Variants in BAIAP2L1 observed in about 807,000 individuals in gnomAD.
BAIAP2L1 encodes BAR/IMD domain-containing adapter protein 2-like 1.
Under a neutral mutation model 66.3 loss-of-function variants are expected in BAIAP2L1, and 35 were observed. That is an observed-to-expected ratio of 0.53 (90% CI 0.40 to 0.70). BAIAP2L1 has a LOEUF of 0.70. BAIAP2L1 is among the 30% of genes least tolerant of loss of function. BAIAP2L1 has a pLI of 0.00. For missense variants in BAIAP2L1, 622 were observed against 656.9 expected (o/e 0.95, Z 0.58); for synonymous variants, 269 against 248.7 (o/e 1.08, Z -0.77).
chr7:98,292,868 C>T lies in BAIAP2L1; in HGVS notation c.*653G>A. 6.9e-7 allele frequency: 1 copy of T among 1,447,666 alleles called. No homozygotes were observed. 89.7% of individuals were successfully genotyped at this position (1,447,666 alleles called of 1,614,324 possible). A position where few individuals can be genotyped will look rare whatever the true frequency, so the allele number is the denominator to read the frequency against. ...GACTCCTAACTACCAAGAAAAGGAG[C>T]TCTCGGAGGAGATTTCGTCGAGTGC... On this transcript the variant is annotated 3_prime_UTR_variant, in exon 14 of 14. Coordinates refer to ENST00000005260, the MANE Select transcript of BAIAP2L1 (RefSeq NM_018842.5).
intron 12 of BAIAP2L1, among the ~76,000 whole-genome samples, chr7:98,301,732 G>T (rs995129490): frequency 8.5e-5 from 13 of 152,162 alleles, no homozygotes; most frequent in African/African-American, 2.4e-4. Context: ...TCTTGGGGAA[G>T]TGAGCTTTGG....
chr7:98,379,405 A>G (rs1027464515), intron 1 of BAIAP2L1, among the ~76,000 whole-genome samples: 2 of 152,208 alleles, frequency 1.3e-5, no homozygotes, highest in Admixed American at 6.6e-5. Flanking sequence ...TGGGTCAATC[A>G]GCCTCGAAAA....
chr7:98,298,872 T>C (rs1800299071), intron 12 of BAIAP2L1, among the ~76,000 whole-genome samples: 1 of 151,818 alleles, frequency 6.6e-6, no homozygotes, highest in South Asian at 2.1e-4. Flanking sequence ...AGACAGGTCT[T>C]GCTCTGTCAC....
chr7:98,329,095 G>A (rs952867793), intron 3 of BAIAP2L1, among the ~76,000 whole-genome samples: 3 of 152,288 alleles, frequency 2.0e-5, no homozygotes, highest in East Asian at 3.9e-4. Flanking sequence ...TCTGGTCACC[G>A]TTGATGCAAA....
intron 1 of BAIAP2L1, among the ~76,000 whole-genome samples, chr7:98,393,293 C>T (rs1327178471): frequency 2.0e-5 from 3 of 151,858 alleles, no homozygotes; most frequent in African/African-American, 4.8e-5. Flanking sequence ...CCATCCTCCT[C>T]GGCCTCCCAC....
At chr7:98,307,585 T>C in intron 10 of BAIAP2L1, 104 bp downstream of exon 10, 1 of 1,520,080 alleles carries the variant, frequency 6.6e-7, no homozygotes, top group Non-Finnish European at 8.8e-7. Context: ...AAACTTAACT[T>C]TGGCTAAAAT....
At chr7:98,338,931 A>G (rs6974943) in intron 3 of BAIAP2L1, among the ~76,000 whole-genome samples, 61,409 of 151,786 alleles carry the variant, frequency 0.4, 13,358 homozygotes, top group Middle Eastern at 0.55. Flanking sequence ...AAATTAGCTG[A>G]GTGTGGTAGC....
At chr7:98,376,058 T>C (rs1490404053) in intron 1 of BAIAP2L1, among the ~76,000 whole-genome samples, 1 of 152,202 alleles carries the variant, frequency 6.6e-6, no homozygotes, top group East Asian at 1.9e-4. Context: ...CATTTCACTC[T>C]TACATCTTAT....
In BAIAP2L1 at chr7:98,319,516, A is replaced by C. The variant is rs139080646; in HGVS notation, c.348+542T>G. On this transcript the variant is annotated intron_variant, in intron 5 of 13. Coordinates refer to ENST00000005260, the MANE Select transcript of BAIAP2L1 (RefSeq NM_018842.5). ...TGTGAAGACAATGCTTTCTGGAAGC[A>C]GTGTGATTTCCTGCAATACTTTTTC... 4.0e-3 allele frequency among the ~76,000 whole-genome samples: 599 copies of C among 150,824 alleles called. 8 individuals are homozygous for C. The highest frequency in any genetic ancestry group is 0.03 in the Admixed American group (459 of 15,156).
At chr7:98,312,368 C>T in intron 7 of BAIAP2L1, 104 bp from the exon 8 acceptor site, 2 of 1,302,410 alleles carry the variant, frequency 1.5e-6, no homozygotes, top group South Asian at 3.0e-5. Context: ...TGGCTTAGCA[C>T]CAGGAGTGTG....
rs532702072 is a variant in BAIAP2L1 at position 98,323,662 on chromosome 7, C to T, written c.215-3364G>A. 5.9e-5 allele frequency among the ~76,000 whole-genome samples: 9 copies of T among 152,312 alleles called. No homozygotes were observed. The South Asian group carries it at 1.4e-3, about 25-fold the overall frequency. On this transcript the variant is annotated intron_variant, in intron 3 of 13. Transcript: ENST00000005260. ...CTCCATGCTCCTGCCCGTGGCTTCC[C>T]GCAGCATGGCGGAGAGGCGCAGTGA...
intron 13 of BAIAP2L1, 103 bp from the exon 14 acceptor site, chr7:98,293,699 G>C: frequency 8.9e-7 from 1 of 1,127,314 alleles, no homozygotes; most frequent in Non-Finnish European, 1.3e-6. Flanking sequence ...CTGGGCGGCT[G>C]ACCACCTCCC....
At chr7:98,358,667 T>C (rs1281349316) in intron 2 of BAIAP2L1, among the ~76,000 whole-genome samples, 1 of 152,136 alleles carries the variant, frequency 6.6e-6, no homozygotes, top group South Asian at 2.1e-4. Context: ...TAGTTCTATT[T>C]TAGTGGTTGG....
intron 1 of BAIAP2L1, among the ~76,000 whole-genome samples, chr7:98,362,835 G>A (rs943697821): frequency 6.6e-6 from 1 of 152,094 alleles, no homozygotes; most frequent in African/African-American, 2.4e-5. Context: ...TACTTACAAA[G>A]GCAATGTTTC....
chr7:98,393,082 C>T lies in BAIAP2L1; in HGVS notation c.51+7720G>A, dbSNP rs1174042333. Among the ~76,000 whole-genome samples, 5 of 108,932 alleles carry T rather than the reference C, an allele frequency of 4.6e-5. 1 individual carries two copies. Among genetic ancestry groups the T allele is most frequent in the African/African-American group, 1.3e-4 (3 of 22,962 alleles). The allele number at this position is 108,932 out of a possible 152,430, so 71.5% of individuals were successfully genotyped here. ...ATGTACACATATATGTATACACACA[C>T]ATATATACATATATACGTGTACATA... On this transcript the variant is annotated intron_variant, in intron 1 of 13. Transcript: ENST00000005260.
At chr7:98,306,595 C>A (rs776978477) in intron 10 of BAIAP2L1, 79 bp from the exon 11 acceptor site, 2 of 1,603,798 alleles carry the variant, frequency 1.2e-6, no homozygotes, top group Non-Finnish European at 1.7e-6. Flanking sequence ...CTGGTGAGAG[C>A]TCAGGGCAGA....
chr7:98,368,660 T>C (rs533729591), intron 1 of BAIAP2L1, among the ~76,000 whole-genome samples: 1 of 152,080 alleles, frequency 6.6e-6, no homozygotes, highest in South Asian at 2.1e-4. Context: ...CACTGCACTC[T>C]AGCCTGGTGA....
intron 1 of BAIAP2L1, among the ~76,000 whole-genome samples, chr7:98,388,442 G>A (rs1401933953): frequency 3.3e-5 from 5 of 151,994 alleles, no homozygotes; most frequent in South Asian, 4.2e-4. Context: ...GCAGTGAGCC[G>A]AGATCGCACC....
chr7:98,348,453 G>C (rs1480629549), intron 3 of BAIAP2L1, among the ~76,000 whole-genome samples: 4 of 151,378 alleles, frequency 2.6e-5, no homozygotes, highest in Non-Finnish European at 4.4e-5. Flanking sequence ...TATAACCCCA[G>C]CTACTCAGGA....
Sources: allele counts gnomAD v4.1 joint callset (sites outside exome capture counted in the v4.1 genomes callset), GRCh38; gene constraint gnomAD v4.1.1; transcripts MANE v1.5; gene names NCBI Gene and HGNC (gene_info 2026-07-23, HGNC 2026-07-21).